BEND7: variants seen among roughly 807,000 people sequenced by gnomAD.
BEND7 encodes the protein BEN domain containing 7.
A neutral mutation model predicts 50.9 loss-of-function variants in BEND7; 28 were observed. That is an observed-to-expected ratio of 0.55 (90% CI 0.41 to 0.75). The LOEUF (loss-of-function observed/expected upper bound fraction) is 0.75. BEND7 is among the 30% of genes least tolerant of loss of function. The pLI is 0.00. For missense variants in BEND7, 477 were observed against 491.3 expected, an observed-to-expected ratio of 0.97 and a Z score of 0.28; for synonymous variants, 170 against 183.9, an observed-to-expected ratio of 0.92 and a Z score of 0.61.
chr10:13,497,135 G>GCATGCA (rs1564367249), intron 3 of BEND7, among the ~76,000 whole-genome samples: 1 of 152,172 alleles, frequency 6.6e-6, no homozygotes, highest in African/African-American at 2.4e-5. Flanking sequence ...GCGGGAGCCC[G>GCATGCA]CATGCACACA....
intron 6 of BEND7, among the ~76,000 whole-genome samples, chr10:13,470,251 T>C (rs1231684981): frequency 6.6e-6 from 1 of 152,206 alleles, no homozygotes; most frequent in Non-Finnish European, 1.5e-5. Flanking sequence ...TAGAAAGGTG[T>C]CTTTCCTCAA....
intron 5 of BEND7, among the ~76,000 whole-genome samples, chr10:13,489,403 GGC>G (rs2076485624): frequency 6.6e-6 from 1 of 152,102 alleles, no homozygotes; most frequent in African/African-American, 2.4e-5. Context: ...GGCTAGAATG[GGC>G]ACCCGCAAGT....
intron 6 of BEND7, among the ~76,000 whole-genome samples, chr10:13,461,044 A>G (rs1840103252): frequency 6.6e-6 from 1 of 152,174 alleles, no homozygotes. Context: ...TACACAGCCA[A>G]GGGGCACCTC....
Position 13,481,076 on chromosome 10 carries a change from G to A in BEND7, c.886C>T (p.Gln296Ter). 5 of 1,614,076 alleles carry A rather than the reference G, an allele frequency of 3.1e-6. No homozygotes were observed. The highest frequency in any genetic ancestry group is 4.2e-6 in the Non-Finnish European group (5 of 1,179,994). Residue 296 changes from glutamine (Q) to a stop codon, truncating the protein, a stop_gained, in exon 6 of 9, where the codon CAG (glutamine) becomes TAG (stop). Coordinates refer to ENST00000466271, the MANE Select transcript of BEND7 (RefSeq NM_001369863.1). LOFTEE classifies it high-confidence loss of function. Reference sequence around the variant, plus strand: ...TAGTTTGACAATATAGAGTCCAGCTGAGATTTAGGCATAAACACGTCAAAG... The same window carrying A: ...TAGTTTGACAATATAGAGTCCAGCTAAGATTTAGGCATAAACACGTCAAAG... ...EGFDVFMPKSQLDSILSNYTR... is the reference protein window; with the variant it reads ...EGFDVFMPKS
intron 3 of BEND7, among the ~76,000 whole-genome samples, chr10:13,498,056 AAT>A (rs2077147709): frequency 2.0e-5 from 3 of 149,646 alleles, no homozygotes. Context: ...AGTTATATGT[AAT>A]ATATTTCTTT....
Position 13,520,575 on chromosome 10 carries a change from G to A in BEND7, c.145+5563C>T, listed in dbSNP as rs73572334. On this transcript the variant is annotated intron_variant, in intron 2 of 8. Coordinates refer to ENST00000466271, the MANE Select transcript of BEND7 (RefSeq NM_001369863.1). ...TTACGTACTGAGATCAGCCCACGTG[G>A]GCAGATTGGAGCAAGGAGCTGTGGC... is the stretch of plus-strand genomic sequence containing the variant. Among the ~76,000 whole-genome samples the A allele has an allele frequency of 6.0e-3, 911 of 152,276 alleles. 12 individuals are homozygous for A. The highest frequency in any genetic ancestry group is 0.021 in the African/African-American group (875 of 41,544).
rs1184538115 is a variant in BEND7 at position 13,528,605 on chromosome 10, A to C, written c.-72T>G. On this transcript the variant is annotated 5_prime_UTR_variant, in exon 1 of 9. Coordinates refer to ENST00000466271, the MANE Select transcript of BEND7 (RefSeq NM_001369863.1). ...CGGCAGCGGCAGCGGCGGCAGCGGC[A>C]GCGGCGGCGCGGGCTCGTGTCACCG... 1 of 741,600 alleles carries C rather than the reference A, an allele frequency of 1.3e-6. No homozygotes were observed. Among genetic ancestry groups the C allele is most frequent in the Non-Finnish European group, 1.6e-6 (1 of 641,524 alleles). The allele number at this position is 741,600 out of a possible 1,614,324, so 45.9% of individuals were successfully genotyped here.
intron 6 of BEND7, among the ~76,000 whole-genome samples, chr10:13,455,232 G>A (rs1314731895): frequency 6.6e-6 from 1 of 152,006 alleles, no homozygotes; most frequent in Admixed American, 6.6e-5. Flanking sequence ...GTTCACCAGA[G>A]AGAACATGGA....
intron 6 of BEND7, among the ~76,000 whole-genome samples, chr10:13,467,509 A>G (rs2074374492): frequency 6.6e-6 from 1 of 152,208 alleles, no homozygotes; most frequent in African/African-American, 2.4e-5. Context: ...GATATTTAAC[A>G]ATGATCAATG....
At chr10:13,477,507 A>G (rs1349666762) in intron 6 of BEND7, among the ~76,000 whole-genome samples, 2 of 152,226 alleles carry the variant, frequency 1.3e-5, no homozygotes, top group Admixed American at 1.3e-4. Flanking sequence ...ACGAATAACA[A>G]CAACAACAAA....
chr10:13,503,231 C>T (rs184555647), intron 2 of BEND7, among the ~76,000 whole-genome samples: 18 of 152,226 alleles, frequency 1.2e-4, no homozygotes, highest in Non-Finnish European at 2.4e-4. Flanking sequence ...CTGCGCCTGC[C>T]GTGTGCAGAA....
At chr10:13,446,488 G>C (rs1211038659) in intron 8 of BEND7, 1 of 152,176 alleles carries the variant, frequency 6.6e-6, no homozygotes. Flanking sequence ...GGGGTACCTG[G>C]GTTTTGTGGG....
intron 6 of BEND7, among the ~76,000 whole-genome samples, chr10:13,474,976 C>T (rs552130650): frequency 1.3e-5 from 2 of 152,348 alleles, no homozygotes; most frequent in South Asian, 4.1e-4. Flanking sequence ...CCTAAACCTA[C>T]TGAATCTATC....
chr10:13,495,879 G>A (rs532736720), intron 4 of BEND7, among the ~76,000 whole-genome samples: 1 of 152,318 alleles, frequency 6.6e-6, no homozygotes, highest in East Asian at 1.9e-4. Flanking sequence ...AGCCAGTCAC[G>A]ACATGGCTTA....
At chr10:13,478,454 T>C (rs755900672) in intron 6 of BEND7, among the ~76,000 whole-genome samples, 1 of 152,302 alleles carries the variant, frequency 6.6e-6, no homozygotes, top group Non-Finnish European at 1.5e-5. Flanking sequence ...TAAGACAAAG[T>C]GTGTCCTTAA....
chr10:13,512,261 C>A (rs944462663), intron 2 of BEND7, among the ~76,000 whole-genome samples: 2 of 152,168 alleles, frequency 1.3e-5, no homozygotes, highest in African/African-American at 2.4e-5. Flanking sequence ...ATAGCGAGAT[C>A]CTGTCTCTTA....
At chr10:13,512,700 A>G (rs557227097) in intron 2 of BEND7, among the ~76,000 whole-genome samples, 1 of 152,322 alleles carries the variant, frequency 6.6e-6, no homozygotes, top group East Asian at 1.9e-4. Context: ...TACGATCTGG[A>G]TTATATTTCT....
intron 2 of BEND7, among the ~76,000 whole-genome samples, chr10:13,522,775 G>A (rs1484260257): frequency 6.6e-6 from 1 of 152,176 alleles, no homozygotes; most frequent in Non-Finnish European, 1.5e-5. Context: ...GTTAAGTGGA[G>A]TGTTCAAAGC....
rs75973909 is a variant in BEND7, at chr10:13,505,225, T to A, written c.146-5145A>T. ...TTCCTCAGTGTGGTCGATCCAGACA[T>A]CAGCTTTATACAACTGCTGCCTGGT... On this transcript the variant is annotated intron_variant, in intron 2 of 8. Coordinates refer to ENST00000466271, the MANE Select transcript of BEND7 (RefSeq NM_001369863.1). Among the ~76,000 whole-genome samples the A allele has an allele frequency of 3.2e-3, 486 of 152,290 alleles. 3 individuals are homozygous for A. The highest frequency in any genetic ancestry group is 0.011 in the African/African-American group (475 of 41,560).
Sources: allele counts gnomAD v4.1 joint callset (sites outside exome capture counted in the v4.1 genomes callset), GRCh38; gene constraint gnomAD v4.1.1; transcripts MANE v1.5; gene names NCBI Gene and HGNC (gene_info 2026-07-23, HGNC 2026-07-21).